GRIN2A: variants seen among roughly 807,000 people sequenced by gnomAD.
The protein encoded by GRIN2A is glutamate ionotropic receptor NMDA type subunit 2A.
In GRIN2A, 22 loss-of-function variants were observed where a neutral mutation model predicts 113.4. The observed-to-expected ratio is 0.19, with a 90% CI of 0.14 to 0.28. The LOEUF is 0.28. Among genes scored for constraint, GRIN2A ranks in the 10% least tolerant of loss-of-function variants. The pLI is 1.00. For synonymous variants in GRIN2A, 827 were observed against 738.4 expected (o/e 1.12, Z -1.94); for missense variants, 1,502 against 1,887.0 (o/e 0.80, Z 3.78).
In GRIN2A at chr16:9,764,796, G is replaced by A. The variant is rs533512756; in HGVS notation, c.2748C>T (p.Asp916=). ...SMSNMNSSRM[D]SPKRAADFIQ... is the part of the protein sequence containing the mutation. Reference sequence around the variant, plus strand: ...TGAAGTCAGCAGCTCTTTTGGGTGAGTCCATTCTTGAGGAGTTCATGTTGG... The same window carrying A: ...TGAAGTCAGCAGCTCTTTTGGGTGAATCCATTCTTGAGGAGTTCATGTTGG... Residue 916 remains aspartate, a synonymous_variant, in exon 13 of 13, where the codon GAC becomes GAT. Transcript: ENST00000330684. 6.2e-7 allele frequency: 1 copy of A among 1,614,212 alleles called. No individual in the cohort carries two copies. The highest frequency in any genetic ancestry group is 8.5e-7 in the Non-Finnish European group (1 of 1,180,000).
At chr16:9,978,177 G>T (rs1431884169) in intron 2 of GRIN2A, among the ~76,000 whole-genome samples, 1 of 152,206 alleles carries the variant, frequency 6.6e-6, no homozygotes, top group Non-Finnish European at 1.5e-5. Context: ...GCAATGGGTT[G>T]TCAGTTCCCA....
At chr16:10,158,896 T>A (rs957794632) in intron 2 of GRIN2A, among the ~76,000 whole-genome samples, 8 of 152,196 alleles carry the variant, frequency 5.3e-5, no homozygotes, top group Admixed American at 4.6e-4. Context: ...CACTTTAAAA[T>A]GTTTAGAATG....
intron 2 of GRIN2A, among the ~76,000 whole-genome samples, chr16:10,067,125 T>C (rs1482711413): frequency 6.6e-6 from 1 of 152,244 alleles, no homozygotes; most frequent in Non-Finnish European, 1.5e-5. Flanking sequence ...TTGCTGTTTC[T>C]TTCTCCTCTT....
chr16:10,071,952 C>A (rs937147782), intron 2 of GRIN2A, among the ~76,000 whole-genome samples: 1 of 152,212 alleles, frequency 6.6e-6, no homozygotes, highest in African/African-American at 2.4e-5. Flanking sequence ...AGGTTGCCCA[C>A]CTAAGTGATA....
At chr16:9,929,834 G>A (rs1350187659) in intron 3 of GRIN2A, among the ~76,000 whole-genome samples, 1 of 152,076 alleles carries the variant, frequency 6.6e-6, no homozygotes, top group Non-Finnish European at 1.5e-5. Flanking sequence ...ACTTACATCT[G>A]GCCTAAGGCA....
chr16:9,973,752 A>C (rs2045719364), intron 2 of GRIN2A, among the ~76,000 whole-genome samples: 1 of 152,208 alleles, frequency 6.6e-6, no homozygotes, highest in Non-Finnish European at 1.5e-5. Flanking sequence ...CAGAGTCCAG[A>C]AGACAGTGGA....
intron 2 of GRIN2A, among the ~76,000 whole-genome samples, chr16:10,174,609 A>G (rs2142368780): frequency 6.6e-6 from 1 of 152,296 alleles, no homozygotes; most frequent in South Asian, 2.1e-4. Context: ...AGAGTTTTTC[A>G]TTATTTATAA....
chr16:9,933,281 C>T (rs1171884300), intron 3 of GRIN2A, among the ~76,000 whole-genome samples: 1 of 152,070 alleles, frequency 6.6e-6, no homozygotes, highest in Non-Finnish European at 1.5e-5. Context: ...AACATACCTT[C>T]CCTTGCAAGC....
rs745951746 is a variant in GRIN2A, at chr16:9,840,813, CAAAAAAAAA to C, written c.1498-22_1498-14del. 43 of 1,085,548 alleles carry C rather than the reference CAAAAAAAAA, an allele frequency of 4.0e-5. No individual in the cohort carries two copies. The highest frequency in any genetic ancestry group is 4.8e-5 in the Non-Finnish European group (39 of 819,080). The allele number at this position is 1,085,548 out of a possible 1,614,324, so 67.2% of individuals were successfully genotyped here. On this transcript the variant is annotated splice_polypyrimidine_tract_variant and intron_variant, in intron 6 of 12. Transcript: ENST00000330684. ...GTTGATAGACCACCTGGATGCAAGG[CAAAAAAAAA>C]AAAAAAAAAAAGAGAGAGAGAGAAC...
intron 2 of GRIN2A, chr16:10,111,373 TGC>T: frequency 2.2e-6 from 1 of 457,764 alleles, no homozygotes. Flanking sequence ...CGCGGGGCCT[TGC>T]GGCAGCATGG....
intron 2 of GRIN2A, chr16:10,112,054 A>C: frequency 1.6e-6 from 1 of 618,036 alleles, no homozygotes; most frequent in East Asian, 3.0e-5. Flanking sequence ...TCCCACACCA[A>C]CCTGAAGAAG....
intron 4 of GRIN2A, among the ~76,000 whole-genome samples, chr16:9,871,709 A>G (rs2043264641): frequency 6.6e-6 from 1 of 152,212 alleles, no homozygotes. Context: ...TGTAGTGAAC[A>G]TAAAATGTGG....
Position 10,029,912 on chromosome 16 carries a change from G to T in GRIN2A, c.415-91361C>A, listed in dbSNP as rs867772478. Among the ~76,000 whole-genome samples the T allele has an allele frequency of 2.4e-4, 37 of 152,254 alleles. 1 individual carries two copies. The highest frequency in any genetic ancestry group is 8.2e-4 in the African/African-American group (34 of 41,538). On this transcript the variant is annotated intron_variant, in intron 2 of 12. Coordinates refer to ENST00000330684, the MANE Select transcript of GRIN2A (RefSeq NM_001134407.3). ...CTCAGGAGGCTGAGACAGGAGAATTGCTTGAACCCGGGAGGCAGAGGTTGC... is the reference window on the plus strand; with the variant it reads ...CTCAGGAGGCTGAGACAGGAGAATTTCTTGAACCCGGGAGGCAGAGGTTGC...
At chr16:9,902,959 T>TTGGGG (rs1491446907) in intron 3 of GRIN2A, among the ~76,000 whole-genome samples, 2 of 24,832 alleles carry the variant, frequency 8.1e-5, no homozygotes, top group Non-Finnish European at 6.6e-5. Flanking sequence ...TTTTTTTTTT[T>TTGGGG]GGCGGGGGGG....
chr16:9,796,595 G>A (rs1241386894), intron 11 of GRIN2A, among the ~76,000 whole-genome samples: 1 of 152,254 alleles, frequency 6.6e-6, no homozygotes, highest in East Asian at 1.9e-4. Flanking sequence ...GCAGTGGCTT[G>A]AAATGTGCAT....
At chr16:9,936,011 T>G (rs1202457349) in intron 3 of GRIN2A, among the ~76,000 whole-genome samples, 1 of 152,188 alleles carries the variant, frequency 6.6e-6, no homozygotes, top group Non-Finnish European at 1.5e-5. Context: ...CTGCTGACTG[T>G]AATTTCTGAT....
intron 2 of GRIN2A, among the ~76,000 whole-genome samples, chr16:10,169,331 C>T (rs532286193): frequency 6.6e-6 from 1 of 152,202 alleles, no homozygotes; most frequent in Admixed American, 6.5e-5. Flanking sequence ...CCAGTTGTAC[C>T]ACTGAAGCAT....
chr16:9,859,056 A>G (rs1399891349), intron 4 of GRIN2A, among the ~76,000 whole-genome samples: 1 of 152,186 alleles, frequency 6.6e-6, no homozygotes, highest in African/African-American at 2.4e-5. Flanking sequence ...AAGTCCCTCC[A>G]TGTCTCATGC....
At chr16:9,988,484 A>G (rs2046032264) in intron 2 of GRIN2A, among the ~76,000 whole-genome samples, 1 of 152,182 alleles carries the variant, frequency 6.6e-6, no homozygotes, top group South Asian at 2.1e-4. Flanking sequence ...CCAAGTCTAT[A>G]TCAAATCCCC....
Sources: gnomAD v4.1 joint callset for allele counts (sites outside exome capture counted in the v4.1 genomes callset) on GRCh38, gnomAD v4.1.1 for gene constraint, MANE v1.5 for transcripts, NCBI Gene and HGNC (gene_info 2026-07-23, HGNC 2026-07-21) for gene names.